The following GOLGA1 variants were observed in gnomAD, a reference collection of about 807,000 sequenced individuals.
The protein encoded by GOLGA1 is golgin A1, also known as golgin subfamily A member 1.
A neutral mutation model predicts 119.7 loss-of-function variants in GOLGA1; 63 were observed. That is an observed-to-expected ratio of 0.53 (90% CI 0.43 to 0.65). The LOEUF (loss-of-function observed/expected upper bound fraction) is 0.65. GOLGA1 is among the 30% of genes least tolerant of loss of function. The pLI, the probability that GOLGA1 is intolerant of heterozygous loss-of-function variation, is 0.00. For synonymous variants in GOLGA1, 318 were observed against 333.4 expected (o/e 0.95, Z 0.50); for missense variants, 798 against 912.8 (o/e 0.87, Z 1.62).
chr9:124,887,222 G>A (rs925760838), intron 19 of GOLGA1, among the ~76,000 whole-genome samples: 5 of 152,170 alleles, frequency 3.3e-5, no homozygotes, highest in Admixed American at 2.6e-4. Flanking sequence ...GGGGACAAAC[G>A]GGAAATTTGC....
chr9:124,924,219 G>C (rs1830626293), intron 7 of GOLGA1, among the ~76,000 whole-genome samples: 1 of 151,992 alleles, frequency 6.6e-6, no homozygotes, highest in African/African-American at 2.4e-5. Context: ...TAACCAGTAA[G>C]ATTGAATGCC....
chr9:124,903,154 A>C (rs991150128), intron 12 of GOLGA1, among the ~76,000 whole-genome samples: 2 of 152,208 alleles, frequency 1.3e-5, no homozygotes, highest in African/African-American at 4.8e-5. Context: ...AGCATTATTC[A>C]CAACAGCCAA....
intron 10 of GOLGA1, among the ~76,000 whole-genome samples, chr9:124,913,609 G>T (rs1324014396): frequency 1.3e-5 from 2 of 152,232 alleles, no homozygotes; most frequent in African/African-American, 2.4e-5. Flanking sequence ...AACAGAGATA[G>T]TGGAGGGGAA....
chr9:124,889,973 G>A (rs1829818113), intron 16 of GOLGA1, among the ~76,000 whole-genome samples: 1 of 152,184 alleles, frequency 6.6e-6, no homozygotes, highest in Non-Finnish European at 1.5e-5. Flanking sequence ...AAGGCCTAAA[G>A]CCACTTAACT....
At chr9:124,916,910 A>C (rs1830460253) in intron 10 of GOLGA1, among the ~76,000 whole-genome samples, 1 of 144,654 alleles carries the variant, frequency 6.9e-6, no homozygotes, top group African/African-American at 2.5e-5. Context: ...AAACGAAAAC[A>C]AAAAAAAAAC....
At chr9:124,936,544 G>A (rs1229859439) in intron 3 of GOLGA1, among the ~76,000 whole-genome samples, 1 of 151,106 alleles carries the variant, frequency 6.6e-6, no homozygotes, top group Non-Finnish European at 1.5e-5. Flanking sequence ...GGGCTCAAGC[G>A]ATCCTCTTGC....
rs1831149191 is a variant in GOLGA1, at chr9:124,946,691, C to G, written c.-156+1227G>C. On this transcript the variant is annotated intron_variant, in intron 1 of 4. Coordinates refer to the GOLGA1 transcript ENST00000421514. This position sits in a 1 kb window ranked among gnomAD's most constrained non-coding sequence, Gnocchi z 4.0. ...TACTATCCTCTTATCCTCCCCAACC[C>G]TATCATCCTTGGGAGAGGTTTGAAG... 1 of 152,196 alleles carries G rather than the reference C, an allele frequency of 6.6e-6. No individual in the cohort carries two copies. 9.4% of individuals were successfully genotyped at this position (152,196 alleles called of 1,614,324 possible).
chr9:124,896,447 T>C (rs1468988542), intron 15 of GOLGA1, among the ~76,000 whole-genome samples: 1 of 152,160 alleles, frequency 6.6e-6, no homozygotes, highest in African/African-American at 2.4e-5. Context: ...AAAACAGCTC[T>C]ATCTCTAAAA....
chr9:124,936,315 G>A (rs1830867205), intron 3 of GOLGA1, among the ~76,000 whole-genome samples: 1 of 152,054 alleles, frequency 6.6e-6, no homozygotes, highest in Non-Finnish European at 1.5e-5. Context: ...CATGTAATCT[G>A]ACCTGGGATC....
chr9:124,912,073 CT>C (rs1317745067), intron 10 of GOLGA1, 47 bp from the exon 11 acceptor site: 6 of 1,573,808 alleles, frequency 3.8e-6, no homozygotes, highest in Non-Finnish European at 5.2e-6. Flanking sequence ...CCCTCTCTTC[CT>C]TCCTTCCTGC....
chr9:124,947,982 A>C (rs771201694), exon 1 of GOLGA1: 15 of 152,216 alleles, frequency 9.9e-5, no homozygotes, highest in Non-Finnish European at 2.2e-4. Context: ...TCCATAAATA[A>C]AATTTTTCAG....
In GOLGA1 at chr9:124,880,489, A is replaced by G. The variant is rs776836468; in HGVS notation, c.*41T>C. On this transcript the variant is annotated 3_prime_UTR_variant, in exon 23 of 23. Coordinates refer to ENST00000373555, the MANE Select transcript of GOLGA1 (RefSeq NM_002077.4). ...GTGTGTCAGTGTTCTTTTCACAGAA[A>G]AAGTGTCAACCCACGGAGCTCCATC... 20 of 1,115,214 alleles carry G rather than the reference A, an allele frequency of 1.8e-5. No individual in the cohort carries two copies. The South Asian group carries it at 2.0e-4, about 11-fold the overall frequency. 69.1% of individuals were successfully genotyped at this position (1,115,214 alleles called of 1,614,324 possible). A position where few individuals can be genotyped will look rare whatever the true frequency, so the allele number is the denominator to read the frequency against.
rs1238303147 is a variant in GOLGA1, at chr9:124,880,452, C to G, written c.*78G>C. On this transcript the variant is annotated 3_prime_UTR_variant, in exon 23 of 23. Transcript: ENST00000373555. ...TACTGCAGTTACAGTGATTAAAAAC[C>G]CACCCAGACTGGTGTGTCAGTGTTC... 1 of 817,054 alleles carries G rather than the reference C, an allele frequency of 1.2e-6. No individual in the cohort carries two copies. The highest frequency in any genetic ancestry group is 1.7e-5 in the African/African-American group (1 of 59,568). 50.6% of individuals were successfully genotyped at this position (817,054 alleles called of 1,614,324 possible). A position where few individuals can be genotyped will look rare whatever the true frequency, so the allele number is the denominator to read the frequency against.
At chr9:124,905,481 C>A (rs549327076) in intron 12 of GOLGA1, among the ~76,000 whole-genome samples, 102 of 152,084 alleles carry the variant, frequency 6.7e-4, no homozygotes, top group African/African-American at 2.3e-3. Context: ...TAAATAAATA[C>A]ATACATACCA....
chr9:124,903,062 G>C (rs1325115478), intron 12 of GOLGA1, among the ~76,000 whole-genome samples: 1 of 152,128 alleles, frequency 6.6e-6, no homozygotes, highest in Non-Finnish European at 1.5e-5. Context: ...ATATCACCCT[G>C]CAATTTTATT....
intron 3 of GOLGA1, among the ~76,000 whole-genome samples, chr9:124,935,966 T>C (rs1830858396): frequency 6.6e-6 from 1 of 152,100 alleles, no homozygotes; most frequent in Admixed American, 6.6e-5. Flanking sequence ...AGAGGAGGGA[T>C]CTGTTTGGAG....
Position 124,898,561 on chromosome 9 carries a change from T to A in GOLGA1, c.1395A>T (p.Leu465=). ...ATTAGATAAATACCTTCAGCTTCTT[T>A]AGTTCAAATTGGTGATTTTGTAAAG... ...ERSLQNHQFE[L]KKLKEEWSQR... is the part of the protein sequence containing the mutation. The change falls in exon 15 of 23, where the codon CTA becomes CTT. Residue 465 remains leucine (L), a synonymous_variant. Coordinates refer to ENST00000373555, the MANE Select transcript of GOLGA1 (RefSeq NM_002077.4). 2 of 1,573,962 alleles carry A rather than the reference T, an allele frequency of 1.3e-6. No homozygotes were observed. The highest frequency in any genetic ancestry group is 1.7e-6 in the Non-Finnish European group (2 of 1,144,834).
At position 124,882,533 on chromosome 9, in the gene GOLGA1, G is replaced by A. The variant is rs1341842277; in HGVS notation, c.1942C>T (p.Arg648Trp). The stretch of plus-strand genomic sequence containing the variant: ...ACCAGCTCCTTCTGCAGAGTCTTCC[G>A]GAGCTCCAGCATCCGCTGCTGCATC... ...KQMQQRMLEL[R>W]KTLQKELKIR... Residue 648 changes from arginine (R) to tryptophan (W), a missense_variant, in exon 20 of 23, where the codon CGG (arginine) becomes TGG (tryptophan). Coordinates refer to ENST00000373555, the MANE Select transcript of GOLGA1 (RefSeq NM_002077.4). 6.2e-6 allele frequency: 10 copies of A among 1,612,632 alleles called. No individual in the cohort carries two copies. The highest frequency in any genetic ancestry group is 8.5e-6 in the Non-Finnish European group (10 of 1,179,656).
chr9:124,879,614 T>C lies in GOLGA1; in HGVS notation c.*916A>G, dbSNP rs1301586342. The C allele has an allele frequency of 1.3e-5, 2 of 150,344 alleles. No homozygotes were observed. The highest frequency in any genetic ancestry group is 3.0e-5 in the Non-Finnish European group (2 of 67,696). 9.3% of individuals were successfully genotyped at this position (150,344 alleles called of 1,614,324 possible). A position where few individuals can be genotyped will look rare whatever the true frequency, so the allele number is the denominator to read the frequency against. ...CAGAATCAAGACAAAGCACACGAGA[T>C]CCCACTGCACTTCAGAGGGAGCAGT... On this transcript the variant is annotated 3_prime_UTR_variant, in exon 23 of 23. Coordinates refer to ENST00000373555, the MANE Select transcript of GOLGA1 (RefSeq NM_002077.4).
Sources: allele counts gnomAD v4.1 joint callset (sites outside exome capture counted in the v4.1 genomes callset), GRCh38; gene constraint gnomAD v4.1.1; non-coding constraint Gnocchi (gnomAD v3.1); transcripts MANE v1.5; gene names NCBI Gene and HGNC (gene_info 2026-07-23, HGNC 2026-07-21).